The following PDE10A variants were observed in gnomAD, a reference collection of about 807,000 sequenced individuals.
The protein encoded by PDE10A is cAMP and cAMP-inhibited cGMP 3',5'-cyclic phosphodiesterase 10A.
PDE10A carries 39 observed loss-of-function variants against 97.7 expected under a neutral mutation model. The ratio of observed to expected loss-of-function variants is 0.40; its 90% CI spans 0.31 to 0.52. PDE10A has a LOEUF of 0.52. PDE10A is among the 20% of genes least tolerant of loss of function. PDE10A has a pLI of 0.56. For synonymous variants in PDE10A, 371 were observed against 376.8 expected, an observed-to-expected ratio of 0.98 and a Z score of 0.18; for missense variants, 731 against 1,047.8, an observed-to-expected ratio of 0.70 and a Z score of 4.17.
intron 1 of PDE10A, among the ~76,000 whole-genome samples, chr6:165,719,034 T>C (rs564623256): frequency 7.1e-4 from 108 of 152,098 alleles, no homozygotes; most frequent in African/African-American, 2.6e-3. Flanking sequence ...AAATTGAAAA[T>C]GGAATATTAC....
At chr6:165,361,174 C>T (rs1783396413) in intron 18 of PDE10A, among the ~76,000 whole-genome samples, 1 of 152,034 alleles carries the variant, frequency 6.6e-6, no homozygotes, top group Non-Finnish European at 1.5e-5. Context: ...TTTCAAGATA[C>T]AAGATAAGCA....
chr6:165,652,102 A>G (rs1456064811), intron 1 of PDE10A, among the ~76,000 whole-genome samples: 1 of 152,230 alleles, frequency 6.6e-6, no homozygotes, highest in Non-Finnish European at 1.5e-5. Context: ...AACCCTGAGA[A>G]GCAGAGTATA....
chr6:165,688,402 C>T (rs548767011), intron 1 of PDE10A, among the ~76,000 whole-genome samples: 6 of 152,252 alleles, frequency 3.9e-5, no homozygotes, highest in African/African-American at 1.2e-4. Context: ...AATATTGGAC[C>T]GGTACTGAAA....
intron 1 of PDE10A, among the ~76,000 whole-genome samples, chr6:165,765,190 G>A (rs1583056164): frequency 6.6e-6 from 1 of 152,392 alleles, no homozygotes; most frequent in African/African-American, 2.4e-5. Context: ...GTTCTCCAAG[G>A]CCCCACCAGA....
intron 1 of PDE10A, among the ~76,000 whole-genome samples, chr6:165,833,904 T>C (rs1430153871): frequency 6.6e-6 from 1 of 152,190 alleles, no homozygotes; most frequent in Non-Finnish European, 1.5e-5. Context: ...CGAGACCTGA[T>C]TCCAATGTCT....
chr6:165,611,156 A>C (rs1787475354), intron 1 of PDE10A, among the ~76,000 whole-genome samples: 1 of 152,130 alleles, frequency 6.6e-6, no homozygotes, highest in Non-Finnish European at 1.5e-5. Flanking sequence ...CTAACAAGCA[A>C]AAAAACAAAA....
chr6:165,582,640 G>A (rs545534055), intron 1 of PDE10A, among the ~76,000 whole-genome samples: 1 of 149,248 alleles, frequency 6.7e-6, no homozygotes, highest in South Asian at 2.1e-4. Context: ...TACACCAAAA[G>A]AAACACCATG....
chr6:165,836,674 T>C (rs1780071195), intron 1 of PDE10A, among the ~76,000 whole-genome samples: 1 of 152,196 alleles, frequency 6.6e-6, no homozygotes, highest in Non-Finnish European at 1.5e-5. Context: ...AGGTTCAGAT[T>C]GGCTTAGCCC....
intron 1 of PDE10A, among the ~76,000 whole-genome samples, chr6:165,849,332 T>TCTAATACA: frequency 6.6e-6 from 1 of 152,226 alleles, no homozygotes; most frequent in South Asian, 2.1e-4. Context: ...GAACCCATGT[T>TCTAATACA]TAAATCCACC....
chr6:165,495,398 G>C (rs1386825111), intron 2 of PDE10A, among the ~76,000 whole-genome samples: 1 of 151,960 alleles, frequency 6.6e-6, no homozygotes, highest in Non-Finnish European at 1.5e-5. Context: ...GGAAGGGAAA[G>C]AAATGAGAAA....
chr6:165,772,150 A>G (rs1447487097), intron 1 of PDE10A, among the ~76,000 whole-genome samples: 2 of 152,220 alleles, frequency 1.3e-5, no homozygotes, highest in Non-Finnish European at 2.9e-5. Flanking sequence ...AAGTGTTTTT[A>G]GCCCCACCGG....
At chr6:165,777,178 C>A (rs1778210540) in intron 1 of PDE10A, among the ~76,000 whole-genome samples, 1 of 152,110 alleles carries the variant, frequency 6.6e-6, no homozygotes, top group Non-Finnish European at 1.5e-5. Context: ...AGGGGCGGGG[C>A]AGAGTAGCTG....
chr6:165,968,229 T>A (rs749831097), intron 1 of PDE10A, among the ~76,000 whole-genome samples: 17 of 152,210 alleles, frequency 1.1e-4, no homozygotes, highest in Non-Finnish European at 1.6e-4. Flanking sequence ...TAGCGAAGAG[T>A]ATTGTGCAGG....
upstream of PDE10A, among the ~76,000 whole-genome samples, chr6:165,665,419 A>T (rs1478582627): frequency 1.3e-5 from 2 of 152,118 alleles, no homozygotes; most frequent in Non-Finnish European, 2.9e-5. Flanking sequence ...GAAGGAGGAG[A>T]GGGCTGTGAC....
intron 5 of PDE10A, 51 bp from the exon 6 acceptor site, chr6:165,435,428 A>G (rs1223068925): frequency 6.8e-7 from 1 of 1,468,194 alleles, no homozygotes. Flanking sequence ...TGTGCATAGT[A>G]CAAAAAGACA....
At chr6:165,909,000 G>A (rs1351399563) in intron 1 of PDE10A, 1 of 152,134 alleles carries the variant, frequency 6.6e-6, no homozygotes, top group Non-Finnish European at 1.5e-5. Flanking sequence ...TGATCCAGTG[G>A]ACACATTTTG....
chr6:165,914,610 C>G (rs1000740751), intron 1 of PDE10A, among the ~76,000 whole-genome samples: 2 of 152,228 alleles, frequency 1.3e-5, no homozygotes, highest in African/African-American at 2.4e-5. Flanking sequence ...CCAACTCAGA[C>G]AGAATGGGTC....
intron 1 of PDE10A, among the ~76,000 whole-genome samples, chr6:165,972,350 G>C (rs979902780): frequency 6.6e-6 from 1 of 151,970 alleles, no homozygotes; most frequent in East Asian, 1.9e-4. Flanking sequence ...CACTCTCTCT[G>C]CTGGCCACGG....
chr6:165,694,575 TC>T (rs1261199926), intron 1 of PDE10A, among the ~76,000 whole-genome samples: 3 of 152,102 alleles, frequency 2.0e-5, no homozygotes, highest in Non-Finnish European at 2.9e-5. Context: ...AGACCGGGAC[TC>T]CCCCCATCTC....
Sources: gnomAD v4.1 joint callset for allele counts (sites outside exome capture counted in the v4.1 genomes callset) on GRCh38, gnomAD v4.1.1 for gene constraint, MANE v1.5 for transcripts, NCBI Gene and HGNC (gene_info 2026-07-23, HGNC 2026-07-21) for gene names.